Variants in RAPGEF5 observed in about 807,000 individuals in gnomAD.
RAPGEF5 encodes Rap guanine nucleotide exchange factor 5, also known as M-Ras-regulated GEF.
RAPGEF5 carries 65 observed loss-of-function variants against 125.2 expected under a neutral mutation model. That is an observed-to-expected ratio of 0.52 (90% CI 0.43 to 0.64). The LOEUF (loss-of-function observed/expected upper bound fraction) is 0.64, where lower values mean the gene tolerates loss of function less well. Among genes scored for constraint, RAPGEF5 ranks in the 30% least tolerant of loss-of-function variants. RAPGEF5 has a pLI of 0.00. For synonymous variants in RAPGEF5, 391 were observed against 385.9 expected (o/e 1.01, Z -0.16); for missense variants, 958 against 1,048.1 (o/e 0.91, Z 1.19).
chr7:22,155,090 G>C (rs906097495), intron 16 of RAPGEF5, among the ~76,000 whole-genome samples: 3 of 152,122 alleles, frequency 2.0e-5, no homozygotes, highest in African/African-American at 4.8e-5. Flanking sequence ...ACCGTATTTT[G>C]CTATTAGAAT....
At chr7:22,249,376 G>A (rs560538515) in intron 7 of RAPGEF5, among the ~76,000 whole-genome samples, 69 of 151,968 alleles carry the variant, frequency 4.5e-4, no homozygotes, top group Admixed American at 2.6e-3. Flanking sequence ...TTTTGGTAGA[G>A]GTGGGGCTTC....
chr7:22,226,054 C>T (rs1246324952), intron 8 of RAPGEF5, among the ~76,000 whole-genome samples: 1 of 152,152 alleles, frequency 6.6e-6, no homozygotes, highest in Non-Finnish European at 1.5e-5. Context: ...GGGACAAAAG[C>T]ACAGTTCTTT....
chr7:22,284,094 T>C (rs2528644), intron 6 of RAPGEF5, among the ~76,000 whole-genome samples: 46,644 of 147,578 alleles, frequency 0.32, 8,586 homozygotes, highest in African/African-American at 0.54. Context: ...TGTGTGCGCG[T>C]GCATGTGGCA....
At chr7:22,295,277 G>A (rs1299798568) in intron 5 of RAPGEF5, among the ~76,000 whole-genome samples, 1 of 152,140 alleles carries the variant, frequency 6.6e-6, no homozygotes, top group Non-Finnish European at 1.5e-5. Flanking sequence ...TACTAGTTAT[G>A]CTTATAGAAA....
chr7:22,318,287 G>T (rs61017993), intron 1 of RAPGEF5, among the ~76,000 whole-genome samples: 1 of 152,130 alleles, frequency 6.6e-6, no homozygotes, highest in Non-Finnish European at 1.5e-5. Flanking sequence ...AAGTACAGTA[G>T]AAAGACTGGG....
chr7:22,320,400 C>G (rs1264827668), intron 1 of RAPGEF5, among the ~76,000 whole-genome samples: 2 of 152,128 alleles, frequency 1.3e-5, no homozygotes, highest in African/African-American at 4.8e-5. Context: ...AGGAAAAGAA[C>G]ATGGGGAATA....
chr7:22,343,261 C>T (rs184711155), intron 1 of RAPGEF5, among the ~76,000 whole-genome samples: 169 of 152,222 alleles, frequency 1.1e-3, no homozygotes, highest in Non-Finnish European at 2.0e-3. Flanking sequence ...AAAGATCTGC[C>T]CCCATGATTC....
chr7:22,316,687 C>T (rs10233668), intron 2 of RAPGEF5, among the ~76,000 whole-genome samples: 28,656 of 149,784 alleles, frequency 0.19, 3,026 homozygotes, highest in Non-Finnish European at 0.23. Flanking sequence ...TTTGTAGAGA[C>T]AGGTCTCCCT....
intron 7 of RAPGEF5, among the ~76,000 whole-genome samples, chr7:22,239,151 T>C (rs1786260830): frequency 6.6e-6 from 1 of 152,056 alleles, no homozygotes; most frequent in African/African-American, 2.4e-5. Context: ...GGCCCTGCTA[T>C]GGAGATGTGC....
chr7:22,188,221 G>A (rs1784881266), intron 11 of RAPGEF5, among the ~76,000 whole-genome samples: 1 of 152,164 alleles, frequency 6.6e-6, no homozygotes, highest in Non-Finnish European at 1.5e-5. Context: ...AAAAAGCCTG[G>A]AAGAAAGGCA....
At chr7:22,140,171 A>G in intron 20 of RAPGEF5, 56 bp from the exon 21 acceptor site, 5 of 1,462,926 alleles carry the variant, frequency 3.4e-6, no homozygotes, top group Non-Finnish European at 4.7e-6. Context: ...TCCCCAGATA[A>G]TCACAAAAGA....
At chr7:22,146,161 T>C (rs1379711305) in intron 19 of RAPGEF5, among the ~76,000 whole-genome samples, 1 of 152,168 alleles carries the variant, frequency 6.6e-6, no homozygotes, top group African/African-American at 2.4e-5. Flanking sequence ...ATGAGGACAT[T>C]TGGGTCTCTA....
chr7:22,138,580 G>A (rs981019149), intron 21 of RAPGEF5, among the ~76,000 whole-genome samples: 4 of 152,148 alleles, frequency 2.6e-5, no homozygotes, highest in Non-Finnish European at 4.4e-5. Context: ...GACCTCGAAG[G>A]CCCTGCAGCT....
intron 1 of RAPGEF5, among the ~76,000 whole-genome samples, chr7:22,328,139 G>A (rs911719029): frequency 6.6e-6 from 1 of 152,196 alleles, no homozygotes; most frequent in African/African-American, 2.4e-5. Context: ...CTGTCACAAA[G>A]CAAGGCCAGT....
intron 7 of RAPGEF5, among the ~76,000 whole-genome samples, chr7:22,240,897 C>T (rs912775102): frequency 6.6e-6 from 1 of 152,202 alleles, no homozygotes; most frequent in Non-Finnish European, 1.5e-5. Flanking sequence ...AGAAAAACAA[C>T]TCTGAGCCTA....
intron 1 of RAPGEF5, among the ~76,000 whole-genome samples, chr7:22,342,461 C>T (rs554362602): frequency 2.0e-5 from 3 of 152,310 alleles, no homozygotes; most frequent in African/African-American, 7.2e-5. Context: ...CATTAGGCTC[C>T]GCATTACTTA....
At chr7:22,262,336 G>C (rs893298162) in intron 7 of RAPGEF5, among the ~76,000 whole-genome samples, 1 of 152,174 alleles carries the variant, frequency 6.6e-6, no homozygotes, top group South Asian at 2.1e-4. Context: ...AGCCATCAGG[G>C]AAACGCAAAT....
intron 9 of RAPGEF5, among the ~76,000 whole-genome samples, chr7:22,196,998 T>A (rs943944069): frequency 6.6e-6 from 1 of 151,936 alleles, no homozygotes. Flanking sequence ...AGAAGTAAAG[T>A]GGGAGAATAT....
chr7:22,336,248 G>C (rs1784024887), intron 1 of RAPGEF5, among the ~76,000 whole-genome samples: 3 of 152,252 alleles, frequency 2.0e-5, no homozygotes, highest in East Asian at 3.9e-4. Context: ...CCTTACATCT[G>C]TTACATCATG....
Sources: gnomAD v4.1 joint callset for allele counts (sites outside exome capture counted in the v4.1 genomes callset) on GRCh38, gnomAD v4.1.1 for gene constraint, MANE v1.5 for transcripts, NCBI Gene and HGNC (gene_info 2026-07-23, HGNC 2026-07-21) for gene names.